ZFR2: variants seen among roughly 807,000 people sequenced by gnomAD.
ZFR2 encodes zinc finger RNA-binding protein 2.
Under a neutral mutation model 105.7 loss-of-function variants are expected in ZFR2, and 104 were observed. The observed-to-expected ratio is 0.98, with a 90% CI of 0.84 to 1.16. The LOEUF (loss-of-function observed/expected upper bound fraction) is 1.16. ZFR2 is among the 50% of genes most tolerant of loss of function. The probability of loss-of-function intolerance (pLI) is 0.00; values close to 1 mark genes in which losing one functional copy is unlikely to be tolerated. For synonymous variants in ZFR2, 634 were observed against 597.7 expected (o/e 1.06, Z -0.89); for missense variants, 1,425 against 1,355.5 (o/e 1.05, Z -0.80).
rs780106964 is a variant in ZFR2, at chr19:3,825,314, T to C, written c.1129A>G (p.Thr377Ala). Reference protein sequence around the residue: ...ESPPGAEAKPTSPTGPSVCAS... With the variant: ...ESPPGAEAKPASPTGPSVCAS... ...CACACGCTGGGGCCAGTGGGGGACG[T>C]GGGCTTGGCCTCTGCCCCGGGGGGG... Residue 377 changes from threonine (T) to alanine (A), a missense_variant, in exon 7 of 19, where the codon ACG (threonine) becomes GCG (alanine). Physicochemically the swap from Thr to Ala is moderately conservative, Grantham distance 58. Transcript: ENST00000262961. 6.3e-7 allele frequency: 1 copy of C among 1,582,618 alleles called. No individual in the cohort carries two copies. Among genetic ancestry groups the C allele is most frequent in the South Asian group, 1.2e-5 (1 of 86,180 alleles).
In ZFR2 at chr19:3,827,780, C is replaced by A. The variant is rs867180957; in HGVS notation, c.853-127G>T. On this transcript the variant is annotated intron_variant, in intron 5 of 18. Coordinates refer to ENST00000262961, the MANE Select transcript of ZFR2 (RefSeq NM_015174.2). ...ACAGAGGCCCGCTGTCCCCAACCCTCCATTCCCTGGTGCCATGGAGGTTCC... is the reference window on the plus strand; with the variant it reads ...ACAGAGGCCCGCTGTCCCCAACCCTACATTCCCTGGTGCCATGGAGGTTCC... 5 of 1,037,516 alleles carry A rather than the reference C, an allele frequency of 4.8e-6. No homozygotes were observed. The Middle Eastern group carries it at 1.1e-3, about 238-fold the overall frequency. The allele number at this position is 1,037,516 out of a possible 1,614,324, so 64.3% of individuals were successfully genotyped here. A position where few individuals can be genotyped will look rare whatever the true frequency, so the allele number is the denominator to read the frequency against.
chr19:3,822,060 A>C (rs762513452), intron 9 of ZFR2, 21 bp downstream of exon 9: 69 of 1,578,852 alleles, frequency 4.4e-5, no homozygotes, highest in Non-Finnish European at 5.7e-5. Flanking sequence ...CGGGTGTCGG[A>C]GCTCCCCCTG....
At chr19:3,810,364 G>A (rs1421099484) in intron 16 of ZFR2, among the ~76,000 whole-genome samples, 1 of 152,206 alleles carries the variant, frequency 6.6e-6, no homozygotes, top group African/African-American at 2.4e-5. Context: ...TGAGCCACAG[G>A]GGGTCTCCCC....
At chr19:3,830,467 C>G (rs946156150) in intron 5 of ZFR2, among the ~76,000 whole-genome samples, 3 of 152,114 alleles carry the variant, frequency 2.0e-5, no homozygotes, top group Non-Finnish European at 4.4e-5. Flanking sequence ...TGCGAGCACT[C>G]TGCAAAGAAG....
chr19:3,854,795 G>C (rs893707607), intron 1 of ZFR2, among the ~76,000 whole-genome samples: 1 of 152,152 alleles, frequency 6.6e-6, no homozygotes, highest in Non-Finnish European at 1.5e-5. Context: ...ACAGGGTCTC[G>C]CTCTGTCACC....
chr19:3,854,145 C>T (rs2038271969), intron 1 of ZFR2, among the ~76,000 whole-genome samples: 1 of 151,624 alleles, frequency 6.6e-6, no homozygotes, highest in South Asian at 2.1e-4. Flanking sequence ...AATCCCAGCA[C>T]TTTGGGAGGC....
At position 3,810,792 on chromosome 19, in the gene ZFR2, G is replaced by A. The variant is rs1198550457; in HGVS notation, c.2391C>T (p.Asp797=). ...CCCAGGTGGGCACACGCCGGCAGAG[G>A]TCCCTCAGGACCCTGATGACGATCA... ...PCVIVIRVLR[D]LCRRVPTWGA... Residue 797 remains aspartate (D), a synonymous_variant, in exon 16 of 19, where the codon GAC becomes GAT. Coordinates refer to ENST00000262961, the MANE Select transcript of ZFR2 (RefSeq NM_015174.2). 1 of 1,550,304 alleles carries A rather than the reference G, an allele frequency of 6.5e-7. No homozygotes were observed. The highest frequency in any genetic ancestry group is 8.7e-7 in the Non-Finnish European group (1 of 1,146,800).
Position 3,806,069 on chromosome 19 carries a change from G to A in ZFR2, c.2700C>T (p.Leu900=). ...CCCCCAGCCGGTGTCTGGGCGGCAG[G>A]AGATCCATGCCCAGGACCTTGTGGG... ...RQTHKVLGMD[L]LPPRHRLGAR... Residue 900 remains leucine, a synonymous_variant, in exon 19 of 19, where the codon CTC becomes CTT. Transcript: ENST00000262961. The A allele has an allele frequency of 6.5e-7, 1 of 1,531,462 alleles. No homozygotes were observed. Among genetic ancestry groups the A allele is most frequent in the Non-Finnish European group, 8.8e-7 (1 of 1,139,932 alleles). The allele number at this position is 1,531,462 out of a possible 1,614,324, so 94.9% of individuals were successfully genotyped here.
At position 3,820,249 on chromosome 19, in the gene ZFR2, G is replaced by A. The variant is rs755593404; in HGVS notation, c.1673C>T (p.Ala558Val). 101 of 1,548,602 alleles carry A rather than the reference G, an allele frequency of 6.5e-5. 1 individual carries two copies. In the Middle Eastern group the frequency reaches 8.4e-4, roughly 13 times the overall value. The change falls in exon 11 of 19, where the codon GCG becomes GTG. Residue 558 changes from alanine (A) to valine (V), a missense_variant. By Grantham distance (64) the Ala-to-Val change is moderately conservative. Coordinates refer to ENST00000262961, the MANE Select transcript of ZFR2 (RefSeq NM_015174.2). The part of the protein sequence containing the change: ...EEPPQDVPPH[A>V]PPDWAQPLLM... ...CAGAGGCTGGGCCCAGTCGGGCGGC[G>A]CGTGGGGCGGCACGTCCTGGGGTGG...
intron 14 of ZFR2, among the ~76,000 whole-genome samples, chr19:3,811,744 C>T (rs748187927): frequency 1.6e-4 from 25 of 151,620 alleles, no homozygotes; most frequent in South Asian, 4.2e-4. Flanking sequence ...CGTGAGCCAC[C>T]GTGCCCGGTG....
Position 3,823,925 on chromosome 19 carries a change from C to T in ZFR2, c.1214-522G>A, listed in dbSNP as rs1205395456. Among the ~76,000 whole-genome samples the T allele has an allele frequency of 1.3e-5, 2 of 152,184 alleles. No individual in the cohort carries two copies. The highest frequency in any genetic ancestry group is 2.9e-5 in the Non-Finnish European group (2 of 68,034). ...GTGGTCCAGGGCAGAGACTCTTAGA[C>T]AGACCCGGGTTCCAATTCCACCTCC... On this transcript the variant is annotated intron_variant, in intron 7 of 18. Transcript: ENST00000262961. The surrounding 1 kb of genome is among the most constrained non-coding windows in gnomAD (Gnocchi z 5.4).
intron 5 of ZFR2, among the ~76,000 whole-genome samples, chr19:3,828,925 C>T (rs937671203): frequency 2.6e-5 from 4 of 151,268 alleles, no homozygotes. Context: ...GAGAGGCATA[C>T]ATTTTACTGT....
chr19:3,853,491 T>C (rs547601670), intron 1 of ZFR2, among the ~76,000 whole-genome samples: 214 of 152,044 alleles, frequency 1.4e-3, no homozygotes, highest in African/African-American at 4.7e-3. Context: ...TATATATATT[T>C]TGCCACCAAA....
chr19:3,855,339 C>T, intron 1 of ZFR2: 1 of 1,229,498 alleles, frequency 8.1e-7, no homozygotes, highest in South Asian at 4.1e-5. Context: ...TCTGAGGCAC[C>T]ATTTTAAAGA....
chr19:3,856,013 T>C (rs573432644), intron 1 of ZFR2, among the ~76,000 whole-genome samples: 86 of 152,182 alleles, frequency 5.7e-4, no homozygotes, highest in African/African-American at 2.0e-3. Flanking sequence ...TTTGGCGCTG[T>C]GCGCGGATGG....
intron 1 of ZFR2, among the ~76,000 whole-genome samples, chr19:3,854,417 T>A (rs894436473): frequency 1.3e-5 from 2 of 152,078 alleles, no homozygotes; most frequent in African/African-American, 2.4e-5. Flanking sequence ...CTTTCTAGGC[T>A]TTTCTAGCAA....
chr19:3,819,712 C>T (rs1025506449), intron 11 of ZFR2, among the ~76,000 whole-genome samples: 10 of 152,060 alleles, frequency 6.6e-5, no homozygotes, highest in Admixed American at 3.9e-4. Flanking sequence ...GAGAGCCCGG[C>T]GTGGTGGCGG....
chr19:3,812,569 T>A (rs2037777055), intron 14 of ZFR2, among the ~76,000 whole-genome samples: 1 of 152,018 alleles, frequency 6.6e-6, no homozygotes, highest in Admixed American at 6.6e-5. Context: ...AAAGAGCCAC[T>A]GTCTAGTGGC....
Position 3,831,751 on chromosome 19 carries a change from G to A in ZFR2, c.507C>T (p.Pro169=). Residue 169 remains proline, a synonymous_variant, in exon 4 of 19, where the codon CCC becomes CCT. Coordinates refer to ENST00000262961, the MANE Select transcript of ZFR2 (RefSeq NM_015174.2). ...ACTCGGGCTGGACGCCTGTCGCCGT[G>A]GGGTAGGTGTATCCCGAGGACAAGG... ...ASTLSSGYTY[P]TATGVQPESS... The A allele has an allele frequency of 6.2e-7, 1 of 1,608,448 alleles. No individual in the cohort carries two copies. The highest frequency in any genetic ancestry group is 8.5e-7 in the Non-Finnish European group (1 of 1,177,824).
Sources: allele counts gnomAD v4.1 joint callset (sites outside exome capture counted in the v4.1 genomes callset), GRCh38; gene constraint gnomAD v4.1.1; non-coding constraint Gnocchi (gnomAD v3.1); transcripts MANE v1.5; gene names NCBI Gene and HGNC (gene_info 2026-07-23, HGNC 2026-07-21).